The following DNAH8 variants were observed in gnomAD, a reference collection of about 807,000 sequenced individuals.
DNAH8 encodes the protein dynein axonemal heavy chain 8.
In DNAH8, 382 loss-of-function variants were observed where a neutral mutation model predicts 562.1. The ratio of observed to expected loss-of-function variants is 0.68; its 90% CI spans 0.63 to 0.74. The LOEUF (loss-of-function observed/expected upper bound fraction) is 0.74, where lower values mean the gene tolerates loss of function less well. Ranked by LOEUF, DNAH8 falls within the 30% of genes least tolerant of loss-of-function variation. DNAH8 has a pLI of 0.00. For synonymous variants in DNAH8, 1,881 were observed against 1,919.4 expected, an observed-to-expected ratio of 0.98 and a Z score of 0.52; for missense variants, 5,203 against 5,620.4, an observed-to-expected ratio of 0.93 and a Z score of 2.37.
chr6:38,963,092 C>A (rs1762719309), intron 82 of DNAH8, among the ~76,000 whole-genome samples: 2 of 151,920 alleles, frequency 1.3e-5, no homozygotes, highest in Admixed American at 6.6e-5. Context: ...TTCATGCAAC[C>A]AAACACAACC....
At chr6:38,895,766 C>G (rs1030200007) in intron 59 of DNAH8, among the ~76,000 whole-genome samples, 3 of 152,222 alleles carry the variant, frequency 2.0e-5, no homozygotes, top group Admixed American at 1.3e-4. Context: ...CGTCCACTAC[C>G]GACCATCACT....
At chr6:38,942,289 A>G (rs1488657188) in intron 79 of DNAH8, among the ~76,000 whole-genome samples, 1 of 152,188 alleles carries the variant, frequency 6.6e-6, no homozygotes, top group African/African-American at 2.4e-5. Flanking sequence ...TGCTTCCTCA[A>G]TGCCATCTGC....
chr6:38,923,966 AG>A, intron 72 of DNAH8, 24 bp from the exon 73 acceptor site: 3 of 1,612,586 alleles, frequency 1.9e-6, no homozygotes, highest in Non-Finnish European at 2.5e-6. Flanking sequence ...CACTTTGGGG[AG>A]GGGGCTGTGT....
intron 77 of DNAH8, among the ~76,000 whole-genome samples, chr6:38,936,758 C>A (rs2150589093): frequency 6.6e-6 from 1 of 152,246 alleles, no homozygotes; most frequent in African/African-American, 2.4e-5. Flanking sequence ...TGTGCTGGAT[C>A]AAGACCTCTC....
chr6:38,884,873 G>C (rs1345957356), intron 56 of DNAH8, among the ~76,000 whole-genome samples: 1 of 152,096 alleles, frequency 6.6e-6, no homozygotes, highest in Non-Finnish European at 1.5e-5. Context: ...GACTTCACCG[G>C]TGTTGCCAGA....
intron 42 of DNAH8, among the ~76,000 whole-genome samples, chr6:38,858,912 A>G (rs574039328): frequency 6.6e-5 from 10 of 152,304 alleles, no homozygotes; most frequent in African/African-American, 2.2e-4. Context: ...GGCTCCTAAA[A>G]CTGAAGTCCT....
At chr6:39,014,468 T>C (rs1929901) in intron 91 of DNAH8, among the ~76,000 whole-genome samples, 23,452 of 152,118 alleles carry the variant, frequency 0.15, 1,931 homozygotes, top group Middle Eastern at 0.25. Flanking sequence ...CTAGGTACTT[T>C]CAATGAAGAG....
chr6:38,723,048 A>G lies in DNAH8; in HGVS notation c.239A>G (p.Asp80Gly). 1 of 1,612,888 alleles carries G rather than the reference A, an allele frequency of 6.2e-7. No individual in the cohort carries two copies. Residue 80 changes from aspartate (D) to glycine (G), a missense_variant, in exon 2 of 93, where the codon GAT (aspartate) becomes GGT (glycine). By Grantham distance (94) the Asp-to-Gly change is moderately conservative. Coordinates refer to ENST00000327475, the MANE Select transcript of DNAH8 (RefSeq NM_001206927.2). ...GTTCTTCCAGATGATCATGAAGCGGATCTGAATAGAGTTCGACAGAGGCTT... is the reference window on the plus strand; with the variant it reads ...GTTCTTCCAGATGATCATGAAGCGGGTCTGAATAGAGTTCGACAGAGGCTT... ...GIVLPDDHEA[D>G]LNRVRQRLAP...
chr6:38,802,061 T>G (rs1464839876), intron 21 of DNAH8, among the ~76,000 whole-genome samples: 2 of 151,008 alleles, frequency 1.3e-5, no homozygotes, highest in Middle Eastern at 3.2e-3. Flanking sequence ...ACCTCCTGAG[T>G]AGGTGGGACC....
Position 38,803,495 on chromosome 6 carries a change from G to A in DNAH8, c.3034+184G>A, listed in dbSNP as rs55918123. Among the ~76,000 whole-genome samples, 20,219 of 151,952 alleles carry A rather than the reference G, an allele frequency of 0.13. 1,573 individuals carry two copies. The highest frequency in any genetic ancestry group is 0.22 in the Admixed American group (3,404 of 15,252). ...CCCAGAGAGTTCTTTTTGTTAGTTC[G>A]GGAATGGTGGGAACCCCTCTCAAAT... On this transcript the variant is annotated intron_variant, in intron 22 of 92. Coordinates refer to ENST00000327475, the MANE Select transcript of DNAH8 (RefSeq NM_001206927.2).
chr6:38,907,907 T>C, intron 63 of DNAH8, 49 bp from the exon 64 acceptor site: 3 of 1,404,920 alleles, frequency 2.1e-6, no homozygotes, highest in Non-Finnish European at 2.8e-6. Context: ...GTGAATTGAC[T>C]GTGGAGAACT....
intron 44 of DNAH8, among the ~76,000 whole-genome samples, chr6:38,862,700 G>A (rs1776728502): frequency 6.6e-6 from 1 of 152,126 alleles, no homozygotes; most frequent in Admixed American, 6.5e-5. Flanking sequence ...TACGAAAATG[G>A]AATCAATCTA....
Position 38,961,337 on chromosome 6 carries a change from G to A in DNAH8, c.12451+9817G>A, listed in dbSNP as rs143469362. On this transcript the variant is annotated intron_variant, in intron 82 of 92. Coordinates refer to ENST00000327475, the MANE Select transcript of DNAH8 (RefSeq NM_001206927.2). ...AGGGAAATGAAAATTATGTTGTGAC[G>A]GATATCTAAATTACCTGATTTGATC... 2.5e-3 allele frequency among the ~76,000 whole-genome samples: 387 copies of A among 151,900 alleles called. 4 individuals are homozygous for A. Among genetic ancestry groups the A allele is most frequent in the African/African-American group, 8.7e-3 (363 of 41,494 alleles).
rs146551804 is a variant in DNAH8 at position 39,030,327 on chromosome 6, C to T, written c.14059C>T (p.Arg4687Ter). ...GACCTTCATCACTGTGGTATATTTA[C>T]GAACAGTGTTGTCCCCGGATCACTG... The part of the protein sequence containing the change: ...DLTFITVVYL[R>*]TVLSPDHWIL... Residue 4687 changes from arginine to a stop codon, truncating the protein, a stop_gained, in exon 93 of 93, where the codon CGA (arginine) becomes TGA (stop). Transcript: ENST00000327475. LOFTEE classifies it high-confidence loss of function. 7.3e-4 allele frequency: 1,186 copies of T among 1,614,026 alleles called. 3 individuals are homozygous for T. The highest frequency in any genetic ancestry group is 9.5e-4 in the Non-Finnish European group (1,121 of 1,179,886).
At chr6:38,719,831 A>AC (rs1270309521) in intron 1 of DNAH8, among the ~76,000 whole-genome samples, 1 of 151,992 alleles carries the variant, frequency 6.6e-6, no homozygotes, top group African/African-American at 2.4e-5. Context: ...CAGCCCTAAA[A>AC]CCCTACCAAG....
chr6:38,882,018 A>T (rs1204634802), intron 53 of DNAH8, among the ~76,000 whole-genome samples: 1 of 152,118 alleles, frequency 6.6e-6, no homozygotes, highest in Non-Finnish European at 1.5e-5. Context: ...GTTTCTCCAG[A>T]TGGGTGAGTT....
In DNAH8 at chr6:38,834,626, G is replaced by C; in HGVS notation, c.4350G>C (p.Arg1450Ser). Residue 1450 changes from arginine to serine, a missense_variant, in exon 32 of 93, where the codon AGG (arginine) becomes AGC (serine). Around this residue, in one of 6 missense-constraint regions of DNAH8, gnomAD observed 2,176 missense variants for 2,365.1 expected, o/e 0.92. Transcript: ENST00000327475. ...TACCACCCCAAGAAGCTAGCAACAGGCTACAGATATTTCAGGTGAAACCAC... is the reference window on the plus strand; with the variant it reads ...TACCACCCCAAGAAGCTAGCAACAGCCTACAGATATTTCAGGTGAAACCAC... ...PNIPPQEASN[R>S]LQIFQASFDD... 1 of 1,607,300 alleles carries C rather than the reference G, an allele frequency of 6.2e-7. No homozygotes were observed. The highest frequency in any genetic ancestry group is 8.5e-7 in the Non-Finnish European group (1 of 1,176,788).
chr6:38,759,032 G>A (rs1766216908), intron 10 of DNAH8, among the ~76,000 whole-genome samples: 1 of 152,182 alleles, frequency 6.6e-6, no homozygotes, highest in Non-Finnish European at 1.5e-5. Flanking sequence ...GACCAGGCAT[G>A]GTGGTTCAGG....
intron 63 of DNAH8, among the ~76,000 whole-genome samples, chr6:38,906,847 C>T (rs927463173): frequency 6.6e-6 from 1 of 152,138 alleles, no homozygotes; most frequent in Non-Finnish European, 1.5e-5. Context: ...TCAGCATATA[C>T]AGGTCGAGCT....
Sources: gnomAD v4.1 joint callset for allele counts (sites outside exome capture counted in the v4.1 genomes callset) on GRCh38, gnomAD v4.1.1 for gene constraint, gnomAD v4.1.1 regional missense constraint, MANE v1.5 for transcripts, NCBI Gene and HGNC (gene_info 2026-07-23, HGNC 2026-07-21) for gene names.